The following COG6 variants were observed in gnomAD, a reference collection of about 807,000 sequenced individuals.
The protein encoded by COG6 is conserved oligomeric Golgi complex subunit 6.
A neutral mutation model predicts 88.8 loss-of-function variants in COG6; 74 were observed. That is an observed-to-expected ratio of 0.83 (90% CI 0.69 to 1.01). COG6 has a LOEUF of 1.01. Ranked by LOEUF, COG6 falls within the 50% of genes least tolerant of loss-of-function variation. COG6 has a pLI of 0.00. For missense variants in COG6, 800 were observed against 797.9 expected (o/e 1.00, Z -0.03); for synonymous variants, 286 against 278.7 (o/e 1.03, Z -0.26).
rs1324765364 is a variant in COG6, at chr13:39,727,696, C to A, written c.1826+148C>A. On this transcript the variant is annotated intron_variant, in intron 18 of 18. Transcript: ENST00000455146. ...TCAACCTTTCTTCTGCCTTGGCATG[C>A]CAAAGGATGAGATCTGAACATGTCT... The A allele has an allele frequency of 9.9e-6, 7 of 710,154 alleles. No individual in the cohort carries two copies. The African/African-American group carries it at 1.2e-4, about 13-fold the overall frequency. 44.0% of individuals were successfully genotyped at this position (710,154 alleles called of 1,614,324 possible).
intron 13 of COG6, among the ~76,000 whole-genome samples, chr13:39,702,002 T>C (rs1877608384): frequency 6.6e-6 from 1 of 151,906 alleles, no homozygotes; most frequent in Admixed American, 6.6e-5. Context: ...AAAAGAAAAT[T>C]AGAAGTTTTT....
intron 18 of COG6, among the ~76,000 whole-genome samples, chr13:39,762,790 T>C (rs1309726106): frequency 6.7e-6 from 1 of 149,672 alleles, no homozygotes; most frequent in Non-Finnish European, 1.5e-5. Flanking sequence ...TTGAAGCCTA[T>C]GTACCCTTTA....
intron 18 of COG6, among the ~76,000 whole-genome samples, chr13:39,783,982 C>T (rs565827192): frequency 1.1e-3 from 166 of 152,288 alleles, no homozygotes; most frequent in African/African-American, 3.6e-3. Context: ...TGGCCCCAAA[C>T]AGCATGGATT....
At chr13:39,665,484 A>G (rs891869771) in intron 4 of COG6, among the ~76,000 whole-genome samples, 54 of 151,992 alleles carry the variant, frequency 3.6e-4, no homozygotes, top group Non-Finnish European at 5.0e-4. Context: ...TTTCACAATC[A>G]TTGTCTTTTA....
At position 39,671,020 on chromosome 13, in the gene COG6, A is replaced by G. The variant is rs150062042; in HGVS notation, c.428+5866A>G. Among the ~76,000 whole-genome samples the G allele has an allele frequency of 8.8e-3, 1,343 of 152,110 alleles. 7 individuals are homozygous for G. Among genetic ancestry groups the G allele is most frequent in the Non-Finnish European group, 0.015 (1,015 of 67,890 alleles). Reference sequence around the variant, plus strand: ...TTAGGGGAAAACAGGGGAGCATCACATCTCCTTTCTTCTTTCTTCTTGTCT... The same window carrying G: ...TTAGGGGAAAACAGGGGAGCATCACGTCTCCTTTCTTCTTTCTTCTTGTCT... On this transcript the variant is annotated intron_variant, in intron 4 of 18. Transcript: ENST00000455146.
chr13:39,762,100 A>G (rs375295890), intron 18 of COG6, among the ~76,000 whole-genome samples: 1 of 152,086 alleles, frequency 6.6e-6, no homozygotes, highest in South Asian at 2.1e-4. Flanking sequence ...AATAGCCAAG[A>G]TATGGAATCA....
chr13:39,669,997 G>A (rs746362041), intron 4 of COG6, among the ~76,000 whole-genome samples: 7 of 152,124 alleles, frequency 4.6e-5, no homozygotes, highest in African/African-American at 7.2e-5. Flanking sequence ...TAAACAAGCA[G>A]TTAGCTTTAG....
At chr13:39,671,951 T>C (rs1475857058) in intron 4 of COG6, among the ~76,000 whole-genome samples, 1 of 152,054 alleles carries the variant, frequency 6.6e-6, no homozygotes, top group Non-Finnish European at 1.5e-5. Flanking sequence ...GGTCTTTGAC[T>C]ATTTTAACTG....
At chr13:39,710,710 C>A (rs544694484) in intron 13 of COG6, among the ~76,000 whole-genome samples, 61 of 152,012 alleles carry the variant, frequency 4.0e-4, no homozygotes, top group African/African-American at 1.4e-3. Flanking sequence ...GCTTAAATAC[C>A]CCCATTTAAT....
At chr13:39,722,360 A>G (rs1193536337) in intron 15 of COG6, among the ~76,000 whole-genome samples, 1 of 151,776 alleles carries the variant, frequency 6.6e-6, no homozygotes, top group East Asian at 1.9e-4. Flanking sequence ...GTGTTGCCTC[A>G]GGAAAGAAAC....
At chr13:39,770,594 C>G (rs894262027) in intron 18 of COG6, among the ~76,000 whole-genome samples, 2 of 152,100 alleles carry the variant, frequency 1.3e-5, no homozygotes, top group African/African-American at 2.4e-5. Context: ...ACGTGTTTAT[C>G]GTGTTTATTC....
At chr13:39,742,864 C>T (rs1880126378) in intron 18 of COG6, among the ~76,000 whole-genome samples, 1 of 152,144 alleles carries the variant, frequency 6.6e-6, no homozygotes, top group Admixed American at 6.5e-5. Context: ...GTAAAGCACT[C>T]CTCAGCAAAT....
At chr13:39,703,928 C>A (rs1211508328) in intron 13 of COG6, among the ~76,000 whole-genome samples, 1 of 151,208 alleles carries the variant, frequency 6.6e-6, no homozygotes, top group Middle Eastern at 3.2e-3. Context: ...GAGACATGGT[C>A]TCACTATGTT....
At chr13:39,688,959 T>G (rs965768541) in intron 10 of COG6, among the ~76,000 whole-genome samples, 1 of 152,198 alleles carries the variant, frequency 6.6e-6, no homozygotes, top group African/African-American at 2.4e-5. Context: ...GATGAGTCAG[T>G]GTTACAAATT....
At chr13:39,692,326 AT>A (rs1877026971) in intron 11 of COG6, among the ~76,000 whole-genome samples, 1 of 151,780 alleles carries the variant, frequency 6.6e-6, no homozygotes, top group African/African-American at 2.4e-5. Flanking sequence ...TTTTATGTGA[AT>A]GTTTTAGATT....
downstream of COG6, among the ~76,000 whole-genome samples, chr13:39,755,372 C>G (rs1880799183): frequency 6.6e-6 from 1 of 152,050 alleles, no homozygotes; most frequent in African/African-American, 2.4e-5. Flanking sequence ...CTGATAGCTC[C>G]CAGGAAAACC....
intron 6 of COG6, 150 bp downstream of exon 6, chr13:39,679,770 A>T (rs1876199646): frequency 1.4e-6 from 1 of 719,784 alleles, no homozygotes; most frequent in Non-Finnish European, 2.5e-6. Context: ...TTATACTCTG[A>T]CAGGTTTAGG....
chr13:39,764,327 ATT>A (rs138381502), intron 18 of COG6, among the ~76,000 whole-genome samples: 4 of 148,554 alleles, frequency 2.7e-5, no homozygotes, highest in East Asian at 3.9e-4. Flanking sequence ...TACTTGGTTG[ATT>A]TTTTTTTTAT....
chr13:39,698,539 G>A (rs569828129), intron 12 of COG6, among the ~76,000 whole-genome samples: 154 of 151,686 alleles, frequency 1.0e-3, no homozygotes, highest in African/African-American at 3.6e-3. Context: ...TTTTGGTTTC[G>A]GAATTGTACT....
Sources: gnomAD v4.1 joint callset for allele counts (sites outside exome capture counted in the v4.1 genomes callset) on GRCh38, gnomAD v4.1.1 for gene constraint, MANE v1.5 for transcripts, NCBI Gene and HGNC (gene_info 2026-07-23, HGNC 2026-07-21) for gene names.